RBFOX1: variants seen among roughly 807,000 people sequenced by gnomAD.
The protein encoded by RBFOX1 is RNA binding protein fox-1 homolog 1.
In RBFOX1, 8 loss-of-function variants were observed where a neutral mutation model predicts 57.7. The ratio of observed to expected loss-of-function variants is 0.14; its 90% confidence interval spans 0.08 to 0.25. The LOEUF is 0.25. Among genes scored for constraint, RBFOX1 ranks in the 10% least tolerant of loss-of-function variants. The pLI, the probability that RBFOX1 is intolerant of heterozygous loss-of-function variation, is 1.00. For missense variants in RBFOX1, 611 were observed against 548.5 expected, an observed-to-expected ratio of 1.11 and a Z score of -1.14; for synonymous variants, 326 against 222.4, an observed-to-expected ratio of 1.47 and a Z score of -4.15.
intron 1 of RBFOX1, among the ~76,000 whole-genome samples, chr16:6,245,163 T>C (rs1598755878): frequency 6.6e-6 from 1 of 152,196 alleles, no homozygotes; most frequent in Non-Finnish European, 1.5e-5. Flanking sequence ...AAATGCGTGA[T>C]TGAATGAATA....
intron 1 of RBFOX1, among the ~76,000 whole-genome samples, chr16:6,167,399 C>T (rs528363862): frequency 1.3e-5 from 2 of 152,320 alleles, no homozygotes; most frequent in South Asian, 4.1e-4. Flanking sequence ...CCTGGTGTAC[C>T]CACTGGCTGT....
At chr16:6,794,570 C>G (rs940371646) in intron 3 of RBFOX1, among the ~76,000 whole-genome samples, 2 of 152,040 alleles carry the variant, frequency 1.3e-5, no homozygotes, top group Middle Eastern at 3.2e-3. Flanking sequence ...TTTGCATAGG[C>G]TGTTTAGCAG....
intron 4 of RBFOX1, among the ~76,000 whole-genome samples, chr16:7,258,706 A>T (rs1033294391): frequency 3.3e-5 from 5 of 152,166 alleles, no homozygotes; most frequent in Admixed American, 6.5e-5. Context: ...TTGCTGTTCT[A>T]TTAGAGCCAT....
chr16:6,894,405 C>G (rs572378830), intron 3 of RBFOX1, among the ~76,000 whole-genome samples: 9 of 152,102 alleles, frequency 5.9e-5, no homozygotes, highest in Non-Finnish European at 1.2e-4. Context: ...CCATTCAGCC[C>G]AAGTGGCAGC....
rs190288286 is a variant in RBFOX1, at chr16:6,203,511, T to C, written c.-126-113484T>C. Among the ~76,000 whole-genome samples, 26 of 152,296 alleles carry C rather than the reference T, an allele frequency of 1.7e-4. No individual in the cohort carries two copies. In the East Asian group the frequency reaches 4.6e-3, roughly 27 times the overall value. On this transcript the variant is annotated intron_variant, in intron 1 of 15. Transcript: ENST00000550418. ...TTGATGGACATTTATGTTGTTTCCATATATTGGCTATTGTGAATAGCGGTG... is the reference window on the plus strand; with the variant it reads ...TTGATGGACATTTATGTTGTTTCCACATATTGGCTATTGTGAATAGCGGTG...
At chr16:7,036,816 G>A (rs570781798) in intron 3 of RBFOX1, among the ~76,000 whole-genome samples, 5 of 152,154 alleles carry the variant, frequency 3.3e-5, no homozygotes, top group African/African-American at 1.2e-4. Flanking sequence ...AATAAGAATG[G>A]CTAGTTCATA....
At chr16:7,128,395 C>T (rs117340970) in intron 4 of RBFOX1, among the ~76,000 whole-genome samples, 6,277 of 152,238 alleles carry the variant, frequency 0.041, 172 homozygotes, top group Non-Finnish European at 0.062. Flanking sequence ...AGCCTAGTGG[C>T]TTGAAAGAGT....
chr16:5,333,201 A>AC (rs1555492689), intron 1 of RBFOX1, among the ~76,000 whole-genome samples: 4 of 150,098 alleles, frequency 2.7e-5, no homozygotes, highest in East Asian at 2.0e-4. Context: ...AAACAAACAA[A>AC]AAACCAAACT....
At chr16:7,275,878 G>C (rs1463821291) in intron 4 of RBFOX1, among the ~76,000 whole-genome samples, 2 of 152,162 alleles carry the variant, frequency 1.3e-5, no homozygotes, top group Non-Finnish European at 2.9e-5. Context: ...GGATCTGAGA[G>C]GCAGCCCCAG....
chr16:6,295,857 G>C (rs1379068591), intron 1 of RBFOX1, among the ~76,000 whole-genome samples: 1 of 152,202 alleles, frequency 6.6e-6, no homozygotes, highest in African/African-American at 2.4e-5. Flanking sequence ...CAAAGAGATA[G>C]GGAGTGAAGG....
At chr16:7,376,377 C>T (rs112300609) in intron 4 of RBFOX1, among the ~76,000 whole-genome samples, 8 of 152,254 alleles carry the variant, frequency 5.3e-5, no homozygotes, top group Admixed American at 3.3e-4. Flanking sequence ...AACGCAGCAT[C>T]GCCTTTGAGG....
At chr16:6,265,777 A>G (rs2074406636) in intron 1 of RBFOX1, among the ~76,000 whole-genome samples, 2 of 152,008 alleles carry the variant, frequency 1.3e-5, no homozygotes, top group Admixed American at 6.5e-5. Flanking sequence ...TTTTTGAACC[A>G]ACTACTCTGA....
At chr16:7,283,723 A>G (rs1399324293) in intron 4 of RBFOX1, among the ~76,000 whole-genome samples, 6 of 152,142 alleles carry the variant, frequency 3.9e-5, no homozygotes, top group African/African-American at 1.4e-4. Flanking sequence ...GCCAGAAGTG[A>G]GAAAGGATCT....
intron 3 of RBFOX1, among the ~76,000 whole-genome samples, chr16:6,967,964 G>A (rs941941105): frequency 1.3e-5 from 2 of 152,184 alleles, no homozygotes; most frequent in East Asian, 1.9e-4. Flanking sequence ...AACGCTCGGG[G>A]AGAGAGGTTG....
intron 4 of RBFOX1, among the ~76,000 whole-genome samples, chr16:7,265,332 G>T (rs760715212): frequency 2.0e-5 from 3 of 152,070 alleles, no homozygotes; most frequent in Non-Finnish European, 2.9e-5. Flanking sequence ...TCTTCCCTTG[G>T]CAGAGAGAAA....
At chr16:7,151,148 A>G (rs922983230) in intron 4 of RBFOX1, among the ~76,000 whole-genome samples, 1 of 152,150 alleles carries the variant, frequency 6.6e-6, no homozygotes, top group Non-Finnish European at 1.5e-5. Flanking sequence ...ACTTATCCCA[A>G]AAGAAAGATG....
intron 4 of RBFOX1, among the ~76,000 whole-genome samples, chr16:5,976,942 CCT>C (rs1295966529): frequency 6.6e-6 from 1 of 152,152 alleles, no homozygotes; most frequent in Non-Finnish European, 1.5e-5. Context: ...AGTGCAGGTT[CCT>C]CTCTGCTTCC....
At chr16:6,088,839 G>T (rs1459255766) in intron 1 of RBFOX1, among the ~76,000 whole-genome samples, 1 of 152,140 alleles carries the variant, frequency 6.6e-6, no homozygotes, top group Non-Finnish European at 1.5e-5. Flanking sequence ...GCTCATGCCT[G>T]TAATCCCAGC....
At chr16:6,497,087 C>T (rs42239) in intron 2 of RBFOX1, among the ~76,000 whole-genome samples, 76,685 of 152,044 alleles carry the variant, frequency 0.5, 19,472 homozygotes, top group East Asian at 0.6. Context: ...GTCATTGTCT[C>T]CATTTTACAG....
Sources: gnomAD v4.1 joint callset for allele counts (sites outside exome capture counted in the v4.1 genomes callset) on GRCh38, gnomAD v4.1.1 for gene constraint, MANE v1.5 for transcripts, NCBI Gene and HGNC (gene_info 2026-07-23, HGNC 2026-07-21) for gene names.